NRG1: variants seen among roughly 807,000 people sequenced by gnomAD.
NRG1 encodes the protein neuregulin 1.
A neutral mutation model predicts 63.8 loss-of-function variants in NRG1; 18 were observed. The observed-to-expected ratio is 0.28, with a 90% CI of 0.19 to 0.42. The LOEUF (loss-of-function observed/expected upper bound fraction) is 0.42, where lower values mean the gene tolerates loss of function less well. Ranked by LOEUF, NRG1 falls within the 10% of genes least tolerant of loss-of-function variation. NRG1 has a pLI of 1.00. For synonymous variants in NRG1, 302 were observed against 301.3 expected (o/e 1.00, Z -0.02); for missense variants, 762 against 814.7 (o/e 0.94, Z 0.79).
chr8:32,442,349 ATTC>A (rs1327347716), intron 1 of NRG1: 2 of 152,224 alleles, frequency 1.3e-5, no homozygotes, highest in Non-Finnish European at 2.9e-5. Flanking sequence ...AGTCAGGCCC[ATTC>A]TTCTTCTGCC....
Position 32,773,493 on chromosome 8 carries a change from T to G in NRG1, c.942+13087T>G, listed in dbSNP as rs554511460. On this transcript the variant is annotated intron_variant, in intron 7 of 7. Transcript: ENST00000651335. ...TCCTCATCTGGTTAGTGGAGCCACA[T>G]TTCACCCACTGATCAAGCCAGACCT... Among the ~76,000 whole-genome samples, 3 of 152,254 alleles carry G rather than the reference T, an allele frequency of 2.0e-5. No individual in the cohort carries two copies. In the East Asian group the frequency reaches 5.8e-4, roughly 29 times the overall value.
intron 4 of NRG1, 72 bp downstream of exon 4, chr8:32,614,636 A>G: frequency 1.4e-6 from 2 of 1,389,870 alleles, no homozygotes; most frequent in Non-Finnish European, 2.0e-6. Flanking sequence ...TCCTTCTACT[A>G]ATCAGAACCC....
At chr8:32,293,609 T>G (rs1157317218) in intron 1 of NRG1, among the ~76,000 whole-genome samples, 3 of 152,148 alleles carry the variant, frequency 2.0e-5, no homozygotes, top group East Asian at 1.9e-4. Context: ...ATTCCTTGTT[T>G]GATTTTTAGG....
At chr8:31,851,331 A>G (rs976678408) in intron 1 of NRG1, among the ~76,000 whole-genome samples, 8 of 152,110 alleles carry the variant, frequency 5.3e-5, no homozygotes, top group African/African-American at 1.9e-4. Flanking sequence ...TTCTGTGGTT[A>G]TTGTATCTGT....
chr8:32,106,245 TG>T (rs1831244100), intron 1 of NRG1, among the ~76,000 whole-genome samples: 1 of 152,264 alleles, frequency 6.6e-6, no homozygotes, highest in African/African-American at 2.4e-5. Flanking sequence ...TTAACATACA[TG>T]CTGATTTAAT....
intron 1 of NRG1, among the ~76,000 whole-genome samples, chr8:32,543,222 G>A (rs1401436982): frequency 6.6e-6 from 1 of 151,816 alleles, no homozygotes; most frequent in Non-Finnish European, 1.5e-5. Context: ...TCCAGTAAAG[G>A]GAATGAGAAA....
At chr8:32,620,704 C>G (rs1848192962) in intron 5 of NRG1, among the ~76,000 whole-genome samples, 1 of 151,858 alleles carries the variant, frequency 6.6e-6, no homozygotes, top group Non-Finnish European at 1.5e-5. Flanking sequence ...GCCCTGAAGT[C>G]TCAGCTACTT....
chr8:32,032,316 T>C (rs1190059055), intron 1 of NRG1, among the ~76,000 whole-genome samples: 2 of 152,134 alleles, frequency 1.3e-5, no homozygotes, highest in African/African-American at 4.8e-5. Context: ...GCTGGAGTGG[T>C]GCAGTGGCAC....
intron 1 of NRG1, among the ~76,000 whole-genome samples, chr8:32,178,546 G>T (rs1275833127): frequency 6.6e-6 from 1 of 152,186 alleles, no homozygotes; most frequent in African/African-American, 2.4e-5. Flanking sequence ...GGAGGTGGAG[G>T]TTGCAGTGAG....
intron 1 of NRG1, among the ~76,000 whole-genome samples, chr8:32,435,137 G>A (rs1296941962): frequency 6.6e-6 from 1 of 152,086 alleles, no homozygotes; most frequent in Non-Finnish European, 1.5e-5. Context: ...TGGCAGATAG[G>A]CACAATGGGA....
intron 5 of NRG1, among the ~76,000 whole-genome samples, chr8:32,684,908 A>T (rs1475786544): frequency 1.3e-5 from 2 of 152,184 alleles, no homozygotes; most frequent in African/African-American, 4.8e-5. Flanking sequence ...TGAAAATTTA[A>T]ATATATTTTT....
chr8:31,920,909 T>TAGATAGAC (rs1554576958), intron 1 of NRG1, among the ~76,000 whole-genome samples: 186 of 151,580 alleles, frequency 1.2e-3, no homozygotes, highest in African/African-American at 4.4e-3. Context: ...GATAGATAGA[T>TAGATAGAC]AGATAGATAG....
chr8:31,897,290 G>C (rs1339110797), intron 1 of NRG1, among the ~76,000 whole-genome samples: 1 of 151,964 alleles, frequency 6.6e-6, no homozygotes, highest in Non-Finnish European at 1.5e-5. Context: ...CAGCTGACCA[G>C]TATTAACATT....
intron 1 of NRG1, among the ~76,000 whole-genome samples, chr8:32,520,820 G>A (rs117430771): frequency 0.018 from 2,739 of 152,144 alleles, 29 homozygotes; most frequent in Middle Eastern, 0.045. Flanking sequence ...GTGAAATCTC[G>A]CCCATCCTGT....
At chr8:31,653,967 TC>T (rs1805164629) in intron 1 of NRG1, among the ~76,000 whole-genome samples, 1 of 151,830 alleles carries the variant, frequency 6.6e-6, no homozygotes, top group East Asian at 1.9e-4. Context: ...TTTTTTTTTT[TC>T]ATAGTAGGAT....
At chr8:32,251,130 C>A (rs985411098) in intron 1 of NRG1, among the ~76,000 whole-genome samples, 1 of 151,794 alleles carries the variant, frequency 6.6e-6, no homozygotes, top group Non-Finnish European at 1.5e-5. Context: ...CATAGGCATA[C>A]GCTTGCCATG....
intron 7 of NRG1, among the ~76,000 whole-genome samples, chr8:32,753,371 G>T (rs191749674): frequency 6.6e-6 from 1 of 152,108 alleles, no homozygotes; most frequent in African/African-American, 2.4e-5. Flanking sequence ...AAACTAACTC[G>T]CAAATAGAAA....
chr8:32,011,479 T>C (rs1033475805), intron 1 of NRG1, among the ~76,000 whole-genome samples: 4 of 152,090 alleles, frequency 2.6e-5, no homozygotes, highest in African/African-American at 7.2e-5. Flanking sequence ...ACAGTACAGA[T>C]CTAAAATCCC....
At chr8:32,155,641 C>G (rs1837979619) in intron 1 of NRG1, among the ~76,000 whole-genome samples, 1 of 152,154 alleles carries the variant, frequency 6.6e-6, no homozygotes, top group African/African-American at 2.4e-5. Context: ...GCTTGTTCAT[C>G]CTTGCTTCCA....
Sources: gnomAD v4.1 joint callset for allele counts (sites outside exome capture counted in the v4.1 genomes callset) on GRCh38, gnomAD v4.1.1 for gene constraint, MANE v1.5 for transcripts, NCBI Gene and HGNC (gene_info 2026-07-23, HGNC 2026-07-21) for gene names.